PKNOX2: variants seen among roughly 807,000 people sequenced by gnomAD.
PKNOX2 encodes the protein homeobox protein PKNOX2.
PKNOX2 carries 14 observed loss-of-function variants against 53.1 expected under a neutral mutation model. The observed-to-expected ratio is 0.26, with a 90% CI of 0.17 to 0.41. The LOEUF (loss-of-function observed/expected upper bound fraction) is 0.41. Ranked by LOEUF, PKNOX2 falls within the 10% of genes least tolerant of loss-of-function variation. PKNOX2 has a pLI of 1.00. For synonymous variants in PKNOX2, 257 were observed against 242.8 expected, an observed-to-expected ratio of 1.06 and a Z score of -0.54; for missense variants, 496 against 602.8, an observed-to-expected ratio of 0.82 and a Z score of 1.85.
chr11:125,200,956 G>A (rs535304725), intron 1 of PKNOX2, among the ~76,000 whole-genome samples: 19 of 152,292 alleles, frequency 1.2e-4, no homozygotes, highest in Admixed American at 1.1e-3. Flanking sequence ...TGCACATCGA[G>A]GGACTTGGTA....
intron 4 of PKNOX2, among the ~76,000 whole-genome samples, chr11:125,361,122 C>T (rs1951902338): frequency 6.6e-6 from 1 of 152,220 alleles, no homozygotes; most frequent in African/African-American, 2.4e-5. Flanking sequence ...CAGACCTGCC[C>T]ACTCCATACC....
chr11:125,352,474 C>T lies in PKNOX2; in HGVS notation c.87+1082C>T, dbSNP rs554284145. 1.3e-5 allele frequency among the ~76,000 whole-genome samples: 2 copies of T among 152,292 alleles called. No homozygotes were observed. The highest frequency in any genetic ancestry group is 2.9e-5 in the Non-Finnish European group (2 of 68,030). ...TGGCATTTTCAAACACAGTGGTTCT[C>T]ATGGGCCACACGGAAGATTTGTGCA... On this transcript the variant is annotated intron_variant, in intron 4 of 12. Coordinates refer to ENST00000298282, the MANE Select transcript of PKNOX2 (RefSeq NM_001382323.2). The surrounding 1 kb of genome is among the most constrained non-coding windows in gnomAD (Gnocchi z 4.1).
At chr11:125,354,944 T>C (rs1232647194) in intron 4 of PKNOX2, among the ~76,000 whole-genome samples, 1 of 152,198 alleles carries the variant, frequency 6.6e-6, no homozygotes, top group African/African-American at 2.4e-5. Context: ...CTGTTGATTG[T>C]GCACTGAAGG....
chr11:125,390,459 A>G (rs553371150), intron 6 of PKNOX2, among the ~76,000 whole-genome samples: 37 of 152,316 alleles, frequency 2.4e-4, no homozygotes, highest in African/African-American at 7.7e-4. Context: ...TTTAACCCAC[A>G]GTGCAACTCT....
At position 125,313,220 on chromosome 11, in the gene PKNOX2, C is replaced by A. The variant is rs1270901547; in HGVS notation, c.-129-18599C>A. Among the ~76,000 whole-genome samples, 83 of 152,280 alleles carry A rather than the reference C, an allele frequency of 5.5e-4. 1 individual carries two copies. The highest frequency in any genetic ancestry group is 1.6e-3 in the African/African-American group (66 of 41,572). On this transcript the variant is annotated intron_variant, in intron 2 of 12. Coordinates refer to ENST00000298282, the MANE Select transcript of PKNOX2 (RefSeq NM_001382323.2). ...TCTTGAATGTCTGCAATGGCAGTGC[C>A]CCTCATCCAAACTGAGGAACATGGA...
intron 2 of PKNOX2, among the ~76,000 whole-genome samples, chr11:125,277,923 T>G (rs919276709): frequency 4.6e-5 from 7 of 152,176 alleles, no homozygotes; most frequent in African/African-American, 1.7e-4. Flanking sequence ...GCAATTTTTT[T>G]TTAAAGAGAC....
intron 7 of PKNOX2, among the ~76,000 whole-genome samples, chr11:125,405,003 G>C (rs963215797): frequency 1.3e-5 from 2 of 152,210 alleles, no homozygotes; most frequent in Non-Finnish European, 2.9e-5. Context: ...GCGCCTTCTG[G>C]GAGGCTTTGG....
At chr11:125,394,960 G>A (rs1304182988) in intron 6 of PKNOX2, among the ~76,000 whole-genome samples, 4 of 63,480 alleles carry the variant, frequency 6.3e-5, no homozygotes, top group Admixed American at 1.7e-4. Flanking sequence ...ACGTGCCCTC[G>A]TGTGTGTGTG....
chr11:125,381,288 A>G (rs1042626999), intron 5 of PKNOX2, among the ~76,000 whole-genome samples: 1 of 152,102 alleles, frequency 6.6e-6, no homozygotes, highest in Non-Finnish European at 1.5e-5. Context: ...ACGCTGGAGC[A>G]TGGGGAGGCT....
At chr11:125,417,783 C>T (rs945290594) in intron 10 of PKNOX2, among the ~76,000 whole-genome samples, 16 of 151,992 alleles carry the variant, frequency 1.1e-4, no homozygotes, top group African/African-American at 3.9e-4. Flanking sequence ...GACCTCACAG[C>T]GATGCTGCCT....
chr11:125,324,109 G>A (rs574155134), intron 2 of PKNOX2, among the ~76,000 whole-genome samples: 15 of 150,804 alleles, frequency 9.9e-5, no homozygotes, highest in African/African-American at 2.7e-4. Context: ...ATGATGAGAA[G>A]AAGAATTCTT....
At chr11:125,394,420 C>A (rs1329844378) in intron 6 of PKNOX2, among the ~76,000 whole-genome samples, 1 of 152,204 alleles carries the variant, frequency 6.6e-6, no homozygotes, top group Non-Finnish European at 1.5e-5. Context: ...GACACACAAT[C>A]GCTGCTTTCT....
chr11:125,364,600 A>G (rs1213872282), intron 4 of PKNOX2, among the ~76,000 whole-genome samples: 1 of 152,206 alleles, frequency 6.6e-6, no homozygotes, highest in Non-Finnish European at 1.5e-5. Flanking sequence ...AGAGCAGAGC[A>G]CACTGCTCCC....
chr11:125,401,771 G>A (rs898335154), intron 7 of PKNOX2, among the ~76,000 whole-genome samples: 8 of 151,152 alleles, frequency 5.3e-5, no homozygotes, highest in Non-Finnish European at 1.5e-5. Context: ...TTGTGAGTGT[G>A]TGTGTGTGTG....
chr11:125,197,923 C>G (rs139362383), intron 1 of PKNOX2, among the ~76,000 whole-genome samples: 2 of 152,242 alleles, frequency 1.3e-5, no homozygotes, highest in African/African-American at 4.8e-5. Flanking sequence ...GATTAGAGAC[C>G]CTAGGGAAGC....
chr11:125,257,758 A>G (rs1200859565), intron 2 of PKNOX2, among the ~76,000 whole-genome samples: 1 of 152,106 alleles, frequency 6.6e-6, no homozygotes, highest in Non-Finnish European at 1.5e-5. Context: ...TCACTCTACC[A>G]TTCTGTCTCC....
At chr11:125,331,300 G>A (rs1043543482) in intron 2 of PKNOX2, among the ~76,000 whole-genome samples, 9 of 152,100 alleles carry the variant, frequency 5.9e-5, no homozygotes, top group African/African-American at 1.2e-4. Flanking sequence ...ATTCCCCTCC[G>A]ACTCTTCCTC....
chr11:125,237,681 A>T (rs558766579), intron 2 of PKNOX2, among the ~76,000 whole-genome samples: 1 of 152,352 alleles, frequency 6.6e-6, no homozygotes, highest in South Asian at 2.1e-4. Flanking sequence ...GAGGCCAGGC[A>T]AGGATTCCTT....
chr11:125,396,658 A>C (rs1379214107), intron 6 of PKNOX2, among the ~76,000 whole-genome samples: 1 of 152,192 alleles, frequency 6.6e-6, no homozygotes, highest in African/African-American at 2.4e-5. Context: ...ATTGGAAGTA[A>C]TCTAAATACC....
Sources: gnomAD v4.1 joint callset for allele counts (sites outside exome capture counted in the v4.1 genomes callset) on GRCh38, gnomAD v4.1.1 for gene constraint, Gnocchi (gnomAD v3.1) non-coding constraint, MANE v1.5 for transcripts, NCBI Gene and HGNC (gene_info 2026-07-23, HGNC 2026-07-21) for gene names.